Variants in PSD3 observed in about 807,000 individuals in gnomAD.
PSD3 encodes PH and SEC7 domain-containing protein 3.
In PSD3, 49 loss-of-function variants were observed where a neutral mutation model predicts 105.5. The ratio of observed to expected loss-of-function variants is 0.46; its 90% CI spans 0.37 to 0.59. The LOEUF is 0.59. Among genes scored for constraint, PSD3 ranks in the 20% least tolerant of loss-of-function variants. The pLI is 0.00. For missense variants in PSD3, 1,561 were observed against 1,263.8 expected, an observed-to-expected ratio of 1.24 and a Z score of -3.57; for synonymous variants, 557 against 457.8, an observed-to-expected ratio of 1.22 and a Z score of -2.77.
At chr8:18,695,372 T>C (rs1801202115) in intron 9 of PSD3, among the ~76,000 whole-genome samples, 2 of 152,204 alleles carry the variant, frequency 1.3e-5, no homozygotes. Flanking sequence ...GCATCTTTGA[T>C]GCCTCCTGTC....
At chr8:18,915,353 T>G (rs942106887) in intron 2 of PSD3, among the ~76,000 whole-genome samples, 1 of 152,058 alleles carries the variant, frequency 6.6e-6, no homozygotes, top group South Asian at 2.1e-4. Flanking sequence ...TTGGATTGCA[T>G]CAAACTAAAA....
intron 1 of PSD3, among the ~76,000 whole-genome samples, chr8:18,951,215 T>C (rs1162923327): frequency 6.6e-6 from 1 of 152,038 alleles, no homozygotes; most frequent in African/African-American, 2.4e-5. Context: ...GGCAACATAG[T>C]GAGACACCAT....
chr8:18,944,083 G>C (rs1395175987), intron 1 of PSD3, among the ~76,000 whole-genome samples: 1 of 152,120 alleles, frequency 6.6e-6, no homozygotes, highest in Non-Finnish European at 1.5e-5. Flanking sequence ...TCATGACTAT[G>C]ATGGTTTTGA....
chr8:18,776,379 T>C (rs1186374142), intron 8 of PSD3, among the ~76,000 whole-genome samples: 4 of 143,110 alleles, frequency 2.8e-5, no homozygotes, highest in Non-Finnish European at 6.0e-5. Context: ...TATGTATATA[T>C]ATAATTTTTT....
rs144305507 is a variant in PSD3, at chr8:18,665,413, A to C, written c.2173-9728T>G. 6.1e-4 allele frequency among the ~76,000 whole-genome samples: 93 copies of C among 152,354 alleles called. 1 individual carries two copies. In the East Asian group the frequency reaches 0.017, roughly 28 times the overall value. On this transcript the variant is annotated intron_variant, in intron 9 of 15. Transcript: ENST00000327040. Reference sequence around the variant, plus strand: ...CAGCTAGAATTAGACGTGGAGCCTAAAGATATGACTGCATTGCTGCAATCT... The same window carrying C: ...CAGCTAGAATTAGACGTGGAGCCTACAGATATGACTGCATTGCTGCAATCT...
At chr8:18,937,726 G>A (rs1004744137) in intron 1 of PSD3, among the ~76,000 whole-genome samples, 3 of 152,198 alleles carry the variant, frequency 2.0e-5, no homozygotes, top group African/African-American at 4.8e-5. Context: ...CCAATAGAGA[G>A]GAAATATTAA....
intron 9 of PSD3, among the ~76,000 whole-genome samples, chr8:18,704,819 A>G (rs995033318): frequency 1.3e-5 from 2 of 152,206 alleles, no homozygotes; most frequent in Non-Finnish European, 1.5e-5. Context: ...ACAAACCAGC[A>G]AAAATATAAG....
intron 15 of PSD3, among the ~76,000 whole-genome samples, chr8:18,543,899 C>G (rs1392311643): frequency 1.3e-5 from 2 of 152,032 alleles, no homozygotes; most frequent in Non-Finnish European, 1.5e-5. Flanking sequence ...AGAATAATAT[C>G]TCCTTTTGAC....
At chr8:18,718,444 G>T (rs974703399) in intron 9 of PSD3, among the ~76,000 whole-genome samples, 1 of 152,244 alleles carries the variant, frequency 6.6e-6, no homozygotes, top group Non-Finnish European at 1.5e-5. Context: ...GGATTACAAA[G>T]AGGTTAGATC....
At chr8:18,863,497 T>C (rs1288391528) in intron 4 of PSD3, among the ~76,000 whole-genome samples, 1 of 152,174 alleles carries the variant, frequency 6.6e-6, no homozygotes, top group African/African-American at 2.4e-5. Context: ...ATGCAGAGGC[T>C]GAGCTGTTTC....
intron 8 of PSD3, among the ~76,000 whole-genome samples, chr8:18,798,171 C>T (rs762966957): frequency 3.3e-5 from 5 of 152,090 alleles, no homozygotes; most frequent in South Asian, 2.1e-4. Flanking sequence ...GTGTATTAGC[C>T]GTGCTATACT....
intron 1 of PSD3, among the ~76,000 whole-genome samples, chr8:18,970,760 G>C (rs1824598805): frequency 6.6e-6 from 1 of 152,062 alleles, no homozygotes; most frequent in Non-Finnish European, 1.5e-5. Context: ...TTCGAGACCA[G>C]CCTGACCAAC....
chr8:19,068,461 GT>G (rs1303582954), intron 1 of PSD3, among the ~76,000 whole-genome samples: 4 of 151,966 alleles, frequency 2.6e-5, no homozygotes, highest in Non-Finnish European at 4.4e-5. Flanking sequence ...GGATAATTTT[GT>G]TTGTTTTTTG....
chr8:18,935,741 A>G (rs1028025878), intron 2 of PSD3, among the ~76,000 whole-genome samples: 1 of 151,892 alleles, frequency 6.6e-6, no homozygotes, highest in Non-Finnish European at 1.5e-5. Flanking sequence ...TATATATAAC[A>G]ATGGTAACTA....
chr8:18,694,148 A>T (rs1045588794), intron 9 of PSD3, among the ~76,000 whole-genome samples: 4 of 152,232 alleles, frequency 2.6e-5, no homozygotes, highest in East Asian at 3.9e-4. Flanking sequence ...AGCCTGAGGC[A>T]CCACACAGTA....
At chr8:19,067,846 T>C (rs1201912714) in intron 1 of PSD3, among the ~76,000 whole-genome samples, 3 of 152,218 alleles carry the variant, frequency 2.0e-5, no homozygotes, top group Admixed American at 6.5e-5. Flanking sequence ...TCTGGCCACC[T>C]TGGAGGAATG....
intron 1 of PSD3, among the ~76,000 whole-genome samples, chr8:18,951,573 A>G (rs1183165099): frequency 6.6e-6 from 1 of 152,192 alleles, no homozygotes; most frequent in African/African-American, 2.4e-5. Context: ...TCTTGAGGGT[A>G]TTTTACAACT....
At chr8:18,767,861 C>T (rs988613704) in intron 8 of PSD3, among the ~76,000 whole-genome samples, 3 of 152,050 alleles carry the variant, frequency 2.0e-5, no homozygotes, top group African/African-American at 7.2e-5. Flanking sequence ...GCTATTCTTT[C>T]GTAAAAGGCT....
rs183277918 is a variant in PSD3, at chr8:18,828,163, T to C, written c.1635-23265A>G. On this transcript the variant is annotated intron_variant, in intron 4 of 15. Coordinates refer to ENST00000327040, the MANE Select transcript of PSD3 (RefSeq NM_015310.4). ...CAGCAGAGCTACAAGCTATGTCCTC[T>C]GGCTCCTTGGCTCATGGTAATTTCC... 1.0e-3 allele frequency among the ~76,000 whole-genome samples: 152 copies of C among 151,302 alleles called. 2 individuals are homozygous for C. The highest frequency in any genetic ancestry group is 3.5e-3 in the African/African-American group (145 of 41,268).
Sources: allele counts gnomAD v4.1 joint callset (sites outside exome capture counted in the v4.1 genomes callset), GRCh38; gene constraint gnomAD v4.1.1; transcripts MANE v1.5; gene names NCBI Gene and HGNC (gene_info 2026-07-23, HGNC 2026-07-21).